The following SNCAIP variants were observed in gnomAD, a reference collection of about 807,000 sequenced individuals.
SNCAIP encodes synphilin-1.
Under a neutral mutation model 86.7 loss-of-function variants are expected in SNCAIP, and 43 were observed. The observed-to-expected ratio is 0.50, with a 90% confidence interval of 0.39 to 0.64. The LOEUF (loss-of-function observed/expected upper bound fraction) is 0.64. Among genes scored for constraint, SNCAIP ranks in the 30% least tolerant of loss-of-function variants. The pLI is 0.00. For synonymous variants in SNCAIP, 417 were observed against 427.2 expected (o/e 0.98, Z 0.29); for missense variants, 981 against 1,103.1 (o/e 0.89, Z 1.57).
At chr5:122,448,523 A>G (rs1196935554) in intron 8 of SNCAIP, among the ~76,000 whole-genome samples, 1 of 147,848 alleles carries the variant, frequency 6.8e-6, no homozygotes, top group Non-Finnish European at 1.5e-5. Context: ...GGAAAAGTAA[A>G]TATAACATTT....
intron 1 of SNCAIP, chr5:122,321,702 G>C (rs1752968178): frequency 6.6e-6 from 1 of 152,146 alleles, no homozygotes; most frequent in South Asian, 2.1e-4. Context: ...TCCAACCCCT[G>C]CTCCCTGGCT....
chr5:122,357,185 T>C (rs1761192201), intron 1 of SNCAIP, among the ~76,000 whole-genome samples: 1 of 152,180 alleles, frequency 6.6e-6, no homozygotes, highest in Admixed American at 6.6e-5. Flanking sequence ...CATGACTTGC[T>C]TTCTTTTGTC....
At chr5:122,361,873 CA>C (rs1171967733) in intron 1 of SNCAIP, among the ~76,000 whole-genome samples, 6 of 152,168 alleles carry the variant, frequency 3.9e-5, no homozygotes, top group Non-Finnish European at 1.5e-5. Flanking sequence ...TTTATCAGTA[CA>C]ATCAGCTTTT....
At chr5:122,351,880 T>C (rs779994903) in intron 1 of SNCAIP, among the ~76,000 whole-genome samples, 1 of 152,098 alleles carries the variant, frequency 6.6e-6, no homozygotes, top group African/African-American at 2.4e-5. Flanking sequence ...GGAGGAGGGG[T>C]TTGTCAGTGA....
At chr5:122,392,056 T>TA (rs1769488576) in intron 2 of SNCAIP, among the ~76,000 whole-genome samples, 2 of 152,190 alleles carry the variant, frequency 1.3e-5, no homozygotes, top group Non-Finnish European at 2.9e-5. Flanking sequence ...GGCCTGGAGC[T>TA]ATGGGTCACC....
intron 1 of SNCAIP, among the ~76,000 whole-genome samples, chr5:122,341,375 C>T (rs891028499): frequency 3.3e-5 from 5 of 152,136 alleles, no homozygotes; most frequent in African/African-American, 4.8e-5. Flanking sequence ...ACATAAAAAT[C>T]GGAAGTGCAC....
At chr5:122,337,955 A>G (rs1397795708) in intron 1 of SNCAIP, among the ~76,000 whole-genome samples, 3 of 152,248 alleles carry the variant, frequency 2.0e-5, no homozygotes, top group African/African-American at 7.2e-5. Context: ...TAAGACATTT[A>G]TCAGATATTT....
At chr5:122,443,889 C>T (rs1013498312) in intron 7 of SNCAIP, among the ~76,000 whole-genome samples, 8 of 152,194 alleles carry the variant, frequency 5.3e-5, no homozygotes, top group Admixed American at 3.9e-4. Flanking sequence ...ATACAGTTCT[C>T]TCCACCTCTG....
chr5:122,358,567 T>C (rs1024282511), intron 1 of SNCAIP, among the ~76,000 whole-genome samples: 11 of 151,964 alleles, frequency 7.2e-5, no homozygotes, highest in African/African-American at 2.2e-4. Context: ...ATAAGCCCTT[T>C]TCCTTCCTCT....
Position 122,382,449 on chromosome 5 carries a change from T to C in SNCAIP, c.-46-8640T>C, listed in dbSNP as rs534759135. 1.1e-3 allele frequency among the ~76,000 whole-genome samples: 167 copies of C among 152,312 alleles called. 1 individual carries two copies. Among genetic ancestry groups the C allele is most frequent in the African/African-American group, 3.7e-3 (155 of 41,558 alleles). ...TATTCTAGTTATACATTCTTCTAAA[T>C]TGTTTTCAAAGTTTTCAACTTCTTT... On this transcript the variant is annotated intron_variant, in intron 1 of 10. Transcript: ENST00000261368.
At chr5:122,366,118 G>T (rs112782053) in intron 1 of SNCAIP, among the ~76,000 whole-genome samples, 1 of 152,116 alleles carries the variant, frequency 6.6e-6, no homozygotes, top group Admixed American at 6.5e-5. Context: ...TAGAGAATTC[G>T]TTACTCCAAT....
chr5:122,438,179 A>G (rs1779959788), intron 6 of SNCAIP, among the ~76,000 whole-genome samples: 1 of 152,126 alleles, frequency 6.6e-6, no homozygotes, highest in Non-Finnish European at 1.5e-5. Context: ...TTTCAACATC[A>G]TCTTCTTATA....
intron 10 of SNCAIP, among the ~76,000 whole-genome samples, chr5:122,453,714 C>T (rs540056805): frequency 6.6e-6 from 1 of 151,860 alleles, no homozygotes; most frequent in Non-Finnish European, 1.5e-5. Flanking sequence ...AATTGGTTTA[C>T]TTCAGAAGAG....
chr5:122,325,324 G>A (rs770203439), intron 1 of SNCAIP, among the ~76,000 whole-genome samples: 2 of 152,112 alleles, frequency 1.3e-5, no homozygotes, highest in African/African-American at 4.8e-5. Flanking sequence ...GGTAGGGAGG[G>A]AGAGGTTTGG....
At chr5:122,368,170 C>T (rs530297266) in intron 1 of SNCAIP, among the ~76,000 whole-genome samples, 2 of 152,262 alleles carry the variant, frequency 1.3e-5, no homozygotes, top group Non-Finnish European at 2.9e-5. Flanking sequence ...CTTCCTGGTT[C>T]CCTAGGACTT....
intron 1 of SNCAIP, among the ~76,000 whole-genome samples, chr5:122,357,039 T>G (rs1160498663): frequency 6.6e-6 from 1 of 152,168 alleles, no homozygotes; most frequent in African/African-American, 2.4e-5. Context: ...TTTGTATCTC[T>G]GACTGCCTCC....
chr5:122,436,214 A>G (rs960584594), intron 6 of SNCAIP, among the ~76,000 whole-genome samples: 4 of 151,646 alleles, frequency 2.6e-5, no homozygotes, highest in African/African-American at 9.7e-5. Flanking sequence ...TTTTTTTTAA[A>G]AAGAGAGAAA....
chr5:122,354,022 T>C (rs1412933842), intron 1 of SNCAIP, among the ~76,000 whole-genome samples: 2 of 152,296 alleles, frequency 1.3e-5, no homozygotes, highest in South Asian at 4.1e-4. Flanking sequence ...ACTTAATACA[T>C]GTATATTGAG....
At chr5:122,352,590 C>T (rs538853120) in intron 1 of SNCAIP, among the ~76,000 whole-genome samples, 2 of 152,304 alleles carry the variant, frequency 1.3e-5, no homozygotes, top group East Asian at 3.9e-4. Flanking sequence ...TCCATTCATT[C>T]AACAAATGTC....
Sources: gnomAD v4.1 joint callset for allele counts (sites outside exome capture counted in the v4.1 genomes callset) on GRCh38, gnomAD v4.1.1 for gene constraint, MANE v1.5 for transcripts, NCBI Gene and HGNC (gene_info 2026-07-23, HGNC 2026-07-21) for gene names.